The following NEDD9 variants were observed in gnomAD, a reference collection of about 807,000 sequenced individuals.
NEDD9 encodes the protein neural precursor cell expressed, developmentally down-regulated 9, also known as enhancer of filamentation 1.
In NEDD9, 26 loss-of-function variants were observed where a neutral mutation model predicts 76.6. That is an observed-to-expected ratio of 0.34 (90% CI 0.25 to 0.47). NEDD9 has a LOEUF of 0.47. Among genes scored for constraint, NEDD9 ranks in the 20% least tolerant of loss-of-function variants. The pLI, the probability that NEDD9 is intolerant of heterozygous loss-of-function variation, is 1.00. For synonymous variants in NEDD9, 392 were observed against 414.2 expected (o/e 0.95, Z 0.65); for missense variants, 937 against 1,058.5 (o/e 0.89, Z 1.59).
chr6:11,251,419 A>T (rs1466720167), intron 3 of NEDD9: 1 of 152,194 alleles, frequency 6.6e-6, no homozygotes, highest in Non-Finnish European at 1.5e-5. Flanking sequence ...TGCAGAGGAA[A>T]TTGACAACCT....
rs10601 is a variant in NEDD9 at position 11,185,024 on chromosome 6, A to T, written c.*138T>A. 942,038 of 1,120,422 alleles carry T rather than the reference A, an allele frequency of 0.84. 397,182 individuals are homozygous for T. The highest frequency in any genetic ancestry group is 1 in the East Asian group (37,980 of 38,016). 69.4% of individuals were successfully genotyped at this position (1,120,422 alleles called of 1,614,324 possible). A position where few individuals can be genotyped will look rare whatever the true frequency, so the allele number is the denominator to read the frequency against. On this transcript the variant is annotated 3_prime_UTR_variant, in exon 7 of 7. Transcript: ENST00000379446. ...CAGCTCCCTGAATTTCTGAAAGTTG[A>T]CTGACCCATAAAATGTTAAAATATT...
At chr6:11,297,101 G>T (rs1451301142) in intron 3 of NEDD9, among the ~76,000 whole-genome samples, 1 of 151,520 alleles carries the variant, frequency 6.6e-6, no homozygotes, top group Admixed American at 6.6e-5. Context: ...CTAATGCAAA[G>T]GTGAAAAAGC....
At chr6:11,195,686 C>T (rs1297909353) in intron 2 of NEDD9, among the ~76,000 whole-genome samples, 12 of 152,200 alleles carry the variant, frequency 7.9e-5, no homozygotes, top group Non-Finnish European at 1.6e-4. Flanking sequence ...AACTGTTCAT[C>T]TTTCGTTTAA....
chr6:11,190,775 A>T lies in NEDD9; in HGVS notation c.1094T>A (p.Ile365Asn), dbSNP rs1375510250. 3 of 1,614,106 alleles carry T rather than the reference A, an allele frequency of 1.9e-6. No homozygotes were observed. In the East Asian group the frequency reaches 6.7e-5, roughly 36 times the overall value. Residue 365 changes from isoleucine (I) to asparagine (N), a missense_variant, in exon 5 of 7, where the codon ATC becomes AAC. Transcript: ENST00000379446. This position sits in a 1 kb window ranked among gnomAD's most constrained non-coding sequence, Gnocchi z 5.8. ...TGTACTGGAGAAAGACAATCGGTTGATCCCATCCACCAAGTCCCGAGAGCC... is the reference window on the plus strand; with the variant it reads ...TGTACTGGAGAAAGACAATCGGTTGTTCCCATCCACCAAGTCCCGAGAGCC... The part of the protein sequence containing the change: ...AKGSRDLVDG[I>N]NRLSFSSTGS...
At chr6:11,287,693 A>C (rs1013926153) in intron 3 of NEDD9, among the ~76,000 whole-genome samples, 1 of 152,080 alleles carries the variant, frequency 6.6e-6, no homozygotes, top group African/African-American at 2.4e-5. Context: ...AAGCCTTCTG[A>C]CTTGGTTTCA....
At chr6:11,229,187 G>A (rs1393265629) in intron 1 of NEDD9, among the ~76,000 whole-genome samples, 1 of 152,160 alleles carries the variant, frequency 6.6e-6, no homozygotes, top group East Asian at 1.9e-4. Flanking sequence ...TTTCTTAATG[G>A]CATTGTAAGT....
At chr6:11,226,486 T>A (rs922703378) in intron 1 of NEDD9, among the ~76,000 whole-genome samples, 5 of 152,234 alleles carry the variant, frequency 3.3e-5, no homozygotes, top group Admixed American at 6.5e-5. Context: ...TTTGTTCAGA[T>A]TTCTTTCTGA....
intron 2 of NEDD9, among the ~76,000 whole-genome samples, chr6:11,331,145 G>C (rs1406232452): frequency 6.6e-6 from 1 of 152,310 alleles, no homozygotes; most frequent in East Asian, 1.9e-4. Flanking sequence ...TGAGCTTCTG[G>C]TAGTATCGGC....
upstream of NEDD9, chr6:11,233,388 G>A (rs1435783961): frequency 1.9e-6 from 1 of 518,882 alleles, no homozygotes; most frequent in African/African-American, 1.9e-5. Flanking sequence ...GACCTTCAGT[G>A]GCTTTGCTGA....
intron 2 of NEDD9, among the ~76,000 whole-genome samples, chr6:11,196,494 T>C (rs1758297773): frequency 6.6e-6 from 1 of 152,168 alleles, no homozygotes; most frequent in Non-Finnish European, 1.5e-5. Context: ...AAAGCGCTAA[T>C]GCTTCCCGGT....
At chr6:11,232,425 A>G (rs1759503349) in intron 1 of NEDD9, 79 bp downstream of exon 1, 8 of 1,554,764 alleles carry the variant, frequency 5.1e-6, no homozygotes, top group Admixed American at 1.7e-5. Flanking sequence ...ACTGACAGTA[A>G]GGAACACGCA....
rs570966452 is a variant in NEDD9 at position 11,270,588 on chromosome 6, C to T, written c.12+35404G>A. Among the ~76,000 whole-genome samples the T allele has an allele frequency of 2.6e-5, 4 of 152,272 alleles. No homozygotes were observed. The East Asian group carries it at 7.7e-4, about 29-fold the overall frequency. ...TCGTGAAGCAAAGAACCTCTTGGAC[C>T]CTTAACTTTATCACTAATAGCAACA... On this transcript the variant is annotated intron_variant, in intron 3 of 3. Coordinates refer to the NEDD9 transcript ENST00000397378.
chr6:11,192,391 C>G lies in NEDD9; in HGVS notation c.617G>C (p.Gly206Ala). The G allele has an allele frequency of 6.2e-7, 1 of 1,607,512 alleles. No individual in the cohort carries two copies. The highest frequency in any genetic ancestry group is 8.5e-7 in the Non-Finnish European group (1 of 1,177,934). Residue 206 changes from glycine (G) to alanine (A), a missense_variant, in exon 4 of 7, where the codon GGA (glycine) becomes GCA (alanine). Physicochemically the swap from Gly to Ala is moderately conservative, Grantham distance 60. Transcript: ENST00000379446. ...ATACACCCCTTGAGGTTTTATCTCT[C>G]CCACTGGAACTGAAAACACAGGGCC... ...AKGPVFSVPV[G>A]EIKPQGVYDI...
chr6:11,275,375 G>A (rs978736659), intron 3 of NEDD9, among the ~76,000 whole-genome samples: 3 of 152,102 alleles, frequency 2.0e-5, no homozygotes, highest in Non-Finnish European at 4.4e-5. Flanking sequence ...TTGCATACTC[G>A]AAAATTGCTA....
At chr6:11,305,170 G>A in intron 3 of NEDD9, 2 of 1,280,740 alleles carry the variant, frequency 1.6e-6, no homozygotes, top group Non-Finnish European at 2.0e-6. Context: ...CTGAGATACA[G>A]AAAACAGTTG....
At chr6:11,328,852 G>T (rs1761980998) in intron 2 of NEDD9, 1 of 152,284 alleles carries the variant, frequency 6.6e-6, no homozygotes, top group African/African-American at 2.4e-5. Flanking sequence ...AGCAGGCCAA[G>T]ACGCCCTCTC....
chr6:11,327,988 A>G (rs1339625756), intron 2 of NEDD9, among the ~76,000 whole-genome samples: 1 of 152,260 alleles, frequency 6.6e-6, no homozygotes, highest in Non-Finnish European at 1.5e-5. Context: ...ATGGACAGTC[A>G]AAAGCCTTCC....
chr6:11,297,042 T>A (rs1439538997), intron 3 of NEDD9, among the ~76,000 whole-genome samples: 1 of 152,120 alleles, frequency 6.6e-6, no homozygotes, highest in Non-Finnish European at 1.5e-5. Context: ...TTGGCTTTTT[T>A]TCTTTAGATA....
chr6:11,201,121 C>A lies in NEDD9; in HGVS notation c.460-7429G>T. ...ACTTGTTCAAGGTCTCAGCAAGTCT[C>A]CTTGGGGGCACTTCTTTCCTTGGGC... On this transcript the variant is annotated intron_variant, in intron 2 of 6. Transcript: ENST00000379446. The A allele has an allele frequency of 1.3e-6, 2 of 1,565,306 alleles. 1 individual carries two copies. Among genetic ancestry groups the A allele is most frequent in the South Asian group, 2.2e-5 (2 of 90,056 alleles).
Sources: allele counts gnomAD v4.1 joint callset (sites outside exome capture counted in the v4.1 genomes callset), GRCh38; gene constraint gnomAD v4.1.1; non-coding constraint Gnocchi (gnomAD v3.1); transcripts MANE v1.5; gene names NCBI Gene and HGNC (gene_info 2026-07-23, HGNC 2026-07-21).